Variants in CEP120 observed in about 807,000 individuals in gnomAD.
CEP120 encodes the protein centrosomal protein 120.
A neutral mutation model predicts 126.5 loss-of-function variants in CEP120; 113 were observed. The observed-to-expected ratio is 0.89, with a 90% CI of 0.77 to 1.04. The LOEUF (loss-of-function observed/expected upper bound fraction) is 1.04, where lower values mean the gene tolerates loss of function less well. Ranked by LOEUF, CEP120 falls within the 50% of genes least tolerant of loss-of-function variation. The probability of loss-of-function intolerance (pLI) is 0.00; values close to 1 mark genes in which losing one functional copy is unlikely to be tolerated. For missense variants in CEP120, 1,230 were observed against 1,155.7 expected (o/e 1.06, Z -0.93); for synonymous variants, 400 against 394.3 (o/e 1.01, Z -0.17).
At position 123,346,067 on chromosome 5, in the gene CEP120, T is replaced by A. The variant is rs2126956247; in HGVS notation, c.*452A>T. On this transcript the variant is annotated 3_prime_UTR_variant, in exon 20 of 20. Coordinates refer to ENST00000306467, the MANE Select transcript of CEP120 (RefSeq NM_001375405.1). ...CAAATATTATAAGAAAAAAAGGTCATCTAAAATGAGTTAAACTGGTTACAA... is the reference window on the plus strand; with the variant it reads ...CAAATATTATAAGAAAAAAAGGTCAACTAAAATGAGTTAAACTGGTTACAA... 1 of 154,302 alleles carries A rather than the reference T, an allele frequency of 6.5e-6. No individual in the cohort carries two copies. The highest frequency in any genetic ancestry group is 1.9e-4 in the East Asian group (1 of 5,230). 9.6% of individuals were successfully genotyped at this position (154,302 alleles called of 1,614,324 possible). A position where few individuals can be genotyped will look rare whatever the true frequency, so the allele number is the denominator to read the frequency against.
Position 123,418,422 on chromosome 5 carries a change from T to A in CEP120, c.143A>T (p.Asp48Val). 1 of 1,612,744 alleles carries A rather than the reference T, an allele frequency of 6.2e-7. No individual in the cohort carries two copies. Among genetic ancestry groups the A allele is most frequent in the Non-Finnish European group, 8.5e-7 (1 of 1,178,968 alleles). The change falls in exon 2 of 20, where the codon GAC becomes GTC. Residue 48 changes from aspartate (D) to valine (V), a missense_variant. Transcript: ENST00000306467. ...TAACTCAGTAGCAAATTCTGGCTGG[T>A]CAGTGTGGTCCACAGGATCAGTAGC... ...QLATDPVDHT[D>V]QPEFATELAW...
chr5:123,365,071 T>C (rs1369362404), intron 17 of CEP120, among the ~76,000 whole-genome samples: 1 of 151,596 alleles, frequency 6.6e-6, no homozygotes, highest in East Asian at 1.9e-4. Flanking sequence ...GGCAAAATCA[T>C]GAAACTCTGA....
At chr5:123,357,068 C>T (rs2126983876) in intron 18 of CEP120, among the ~76,000 whole-genome samples, 1 of 152,172 alleles carries the variant, frequency 6.6e-6, no homozygotes, top group East Asian at 1.9e-4. Context: ...TTTAGTTCAG[C>T]AATCGTTTTC....
chr5:123,395,292 C>G (rs531104556), intron 5 of CEP120, among the ~76,000 whole-genome samples: 30 of 152,278 alleles, frequency 2.0e-4, no homozygotes, highest in African/African-American at 7.0e-4. Flanking sequence ...CACTAGCCGG[C>G]CTTCCTGCTC....
Position 123,383,054 on chromosome 5 carries a change from A to G in CEP120, c.1792T>C (p.Tyr598His). ...GSNNRIADLSYTVTLEDYGLV... is the reference protein window; with the variant it reads ...GSNNRIADLSHTVTLEDYGLV... ...CCATAATCTTCTAGAGTCACTGTGT[A>G]AGAAAGATCTGCTATCCTGTTATTT... is the stretch of plus-strand genomic sequence containing the variant. Residue 598 changes from tyrosine to histidine, a missense_variant, in exon 12 of 20, where the codon TAC (tyrosine) becomes CAC (histidine). Coordinates refer to ENST00000306467, the MANE Select transcript of CEP120 (RefSeq NM_001375405.1). 6.4e-7 allele frequency: 1 copy of G among 1,554,124 alleles called. No individual in the cohort carries two copies. Among genetic ancestry groups the G allele is most frequent in the Non-Finnish European group, 8.9e-7 (1 of 1,129,318 alleles).
intron 4 of CEP120, chr5:123,403,158 C>A: frequency 2.5e-6 from 1 of 398,768 alleles, no homozygotes; most frequent in South Asian, 1.9e-5. Flanking sequence ...CACAAATTCC[C>A]TCACTTTGTC....
intron 1 of CEP120, among the ~76,000 whole-genome samples, chr5:123,419,284 A>C (rs1276197535): frequency 1.3e-5 from 2 of 152,244 alleles, no homozygotes; most frequent in Non-Finnish European, 2.9e-5. Context: ...CAGTCATCTG[A>C]AGAGCTGGGA....
chr5:123,354,318 A>G (rs546721472), intron 18 of CEP120, among the ~76,000 whole-genome samples: 1 of 152,238 alleles, frequency 6.6e-6, no homozygotes, highest in Admixed American at 6.5e-5. Context: ...GTTTAATCCA[A>G]CATATAAGCA....
In CEP120 at chr5:123,422,893, C is replaced by A. The variant is rs1774810993; in HGVS notation, c.49+57G>T. On this transcript the variant is annotated intron_variant, in intron 1 of 19. Coordinates refer to ENST00000306467, the MANE Select transcript of CEP120 (RefSeq NM_001375405.1). ...AGGTTAACAAGGCCTCGGTCCCACA[C>A]TAAGCTTTTAAAACTCGGGAGGCAG... 3.3e-6 allele frequency: 5 copies of A among 1,519,662 alleles called. No homozygotes were observed. In the South Asian group the frequency reaches 4.5e-5, roughly 14 times the overall value. 94.1% of individuals were successfully genotyped at this position (1,519,662 alleles called of 1,614,324 possible). A position where few individuals can be genotyped will look rare whatever the true frequency, so the allele number is the denominator to read the frequency against.
At chr5:123,399,464 G>A (rs1331144338) in intron 4 of CEP120, among the ~76,000 whole-genome samples, 180 bp from the exon 5 acceptor site, 5 of 152,106 alleles carry the variant, frequency 3.3e-5, no homozygotes, top group Non-Finnish European at 5.9e-5. Context: ...AACCAGCATT[G>A]TCTTTCTGTA....
intron 18 of CEP120, among the ~76,000 whole-genome samples, chr5:123,362,419 G>C (rs546409790): frequency 6.6e-6 from 1 of 151,814 alleles, no homozygotes; most frequent in East Asian, 1.9e-4. Flanking sequence ...TTCAATGCTG[G>C]GTCTATCACT....
At chr5:123,405,337 C>A (rs1288639495) in intron 4 of CEP120, among the ~76,000 whole-genome samples, 3 of 152,202 alleles carry the variant, frequency 2.0e-5, no homozygotes, top group African/African-American at 7.2e-5. Flanking sequence ...GGGAGCTCTA[C>A]CAGGTCCTCA....
Position 123,382,673 on chromosome 5 carries a change from C to T in CEP120, c.2013+64G>A, listed in dbSNP as rs914784185. The T allele has an allele frequency of 5.1e-5, 74 of 1,460,792 alleles. 1 individual carries two copies. The highest frequency in any genetic ancestry group is 1.7e-4 in the African/African-American group (12 of 70,856). The allele number at this position is 1,460,792 out of a possible 1,614,324, so 90.5% of individuals were successfully genotyped here. ...AGAACATAGAGATTAAACCTTGCTA[C>T]GGAGAAGGAAAAATATACAGAGCAG... On this transcript the variant is annotated intron_variant, in intron 13 of 19. Coordinates refer to ENST00000306467, the MANE Select transcript of CEP120 (RefSeq NM_001375405.1).
At chr5:123,364,698 A>G (rs1770331275) in intron 17 of CEP120, 104 bp from the exon 18 acceptor site, 2 of 482,002 alleles carry the variant, frequency 4.1e-6, no homozygotes, top group African/African-American at 2.0e-5. Flanking sequence ...GAGTTTATAC[A>G]GTGTAACATA....
intron 7 of CEP120, chr5:123,390,344 G>C: frequency 3.1e-6 from 2 of 642,560 alleles, no homozygotes; most frequent in South Asian, 3.0e-5. Flanking sequence ...ATGATATCCA[G>C]AGCTGAATAC....
At chr5:123,364,763 A>T (rs1312239010) in intron 17 of CEP120, among the ~76,000 whole-genome samples, 169 bp from the exon 18 acceptor site, 1 of 151,606 alleles carries the variant, frequency 6.6e-6, no homozygotes, top group Admixed American at 6.6e-5. Flanking sequence ...GCACATGAAC[A>T]TTTTCTTGTT....
intron 19 of CEP120, among the ~76,000 whole-genome samples, chr5:123,347,065 T>C (rs1328236196): frequency 6.6e-6 from 1 of 152,172 alleles, no homozygotes; most frequent in Non-Finnish European, 1.5e-5. Context: ...TGTAATGTGA[T>C]CCCAATTTGA....
intron 18 of CEP120, among the ~76,000 whole-genome samples, chr5:123,363,084 T>C (rs903688151): frequency 2.6e-5 from 4 of 151,594 alleles, no homozygotes; most frequent in African/African-American, 9.7e-5. Flanking sequence ...CCTCCTCTGT[T>C]TTATAAGAAC....
At chr5:123,353,105 T>C (rs934317484) in intron 18 of CEP120, among the ~76,000 whole-genome samples, 7 of 151,990 alleles carry the variant, frequency 4.6e-5, no homozygotes, top group Non-Finnish European at 1.0e-4. Context: ...ACAGTATTTC[T>C]TTTTCTTGCC....
Sources: gnomAD v4.1 joint callset for allele counts (sites outside exome capture counted in the v4.1 genomes callset) on GRCh38, gnomAD v4.1.1 for gene constraint, MANE v1.5 for transcripts, NCBI Gene and HGNC (gene_info 2026-07-23, HGNC 2026-07-21) for gene names.